Variants in ANK2 observed in about 807,000 individuals in gnomAD.
The protein encoded by ANK2 is ankyrin-2.
Under a neutral mutation model 360.5 loss-of-function variants are expected in ANK2, and 83 were observed. That is an observed-to-expected ratio of 0.23 (90% CI 0.19 to 0.28). ANK2 has a LOEUF of 0.28. ANK2 is among the 10% of genes least tolerant of loss of function. ANK2 has a pLI of 1.00. For synonymous variants in ANK2, 1,740 were observed against 1,759.5 expected (o/e 0.99, Z 0.28); for missense variants, 4,201 against 4,795.7 (o/e 0.88, Z 3.66).
At chr4:113,157,602 C>A (rs1284743181) in intron 1 of ANK2, among the ~76,000 whole-genome samples, 2 of 152,172 alleles carry the variant, frequency 1.3e-5, no homozygotes, top group Non-Finnish European at 2.9e-5. Context: ...AAACTTTGGG[C>A]CCTGCCCCTA....
chr4:112,821,829 C>T, intron 1 of ANK2, among the ~76,000 whole-genome samples: 1 of 150,234 alleles, frequency 6.7e-6, no homozygotes, highest in East Asian at 2.0e-4. Flanking sequence ...TACATTCGTG[C>T]AATCTTGGCT....
the ANK2 span, among the ~76,000 whole-genome samples, chr4:112,805,936 A>G: frequency 2.5e-4 from 38 of 152,306 alleles, 1 homozygote; most frequent in East Asian, 3.5e-3. Context: ...ATGAGTACAA[A>G]ATAGGTGTAT....
At chr4:112,753,263 C>G in the ANK2 span, among the ~76,000 whole-genome samples, 1 of 152,124 alleles carries the variant, frequency 6.6e-6, no homozygotes, top group Admixed American at 6.5e-5. Context: ...ATCTCCAAAC[C>G]CATAGATATT....
rs1193835931 is a variant in ANK2, at chr4:113,354,822, T to C, written c.6204T>C (p.Val2068=). The C allele has an allele frequency of 1.2e-6, 2 of 1,613,976 alleles. No homozygotes were observed. Among genetic ancestry groups the C allele is most frequent in the South Asian group, 2.2e-5 (2 of 91,056 alleles). The change falls in exon 38 of 46, where the codon GTT becomes GTC. Residue 2068 remains valine, a synonymous_variant. Transcript: ENST00000357077. ...VTGTAESKRG[V]RVSSIGVKKE... The stretch of plus-strand genomic sequence containing the variant: ...GCACAGCAGAATCCAAAAGAGGAGT[T>C]CGTGTTTCCTCCATAGGAGTTAAGA...
At chr4:112,767,566 CA>C in the ANK2 span, among the ~76,000 whole-genome samples, 1 of 144,812 alleles carries the variant, frequency 6.9e-6, no homozygotes, top group East Asian at 2.0e-4. Context: ...GACCCTGTCT[CA>C]ATAAATAAAT....
At chr4:113,131,470 A>T (rs191785956) in intron 1 of ANK2, among the ~76,000 whole-genome samples, 2 of 152,338 alleles carry the variant, frequency 1.3e-5, no homozygotes, top group East Asian at 3.9e-4. Context: ...ACTCCTTGTT[A>T]GACATATCAG....
intron 2 of ANK2, among the ~76,000 whole-genome samples, chr4:112,918,799 T>A (rs193223921): frequency 6.6e-5 from 10 of 152,342 alleles, no homozygotes; most frequent in Admixed American, 5.9e-4. Context: ...TTGAAGATTG[T>A]CCTTGACAGT....
At chr4:112,909,062 A>C (rs915587798) in intron 2 of ANK2, among the ~76,000 whole-genome samples, 4 of 152,256 alleles carry the variant, frequency 2.6e-5, no homozygotes, top group Admixed American at 1.3e-4. Context: ...ACTGGAAGAA[A>C]ATAGCGAAGA....
Position 113,357,224 on chromosome 4 carries a change from C to T in ANK2, c.8606C>T (p.Ser2869Phe). Residue 2869 changes from serine to phenylalanine, a missense_variant, in exon 38 of 46, where the codon TCT (serine) becomes TTT (phenylalanine). Around this residue, in one of 4 missense-constraint regions of ANK2, gnomAD observed 2,642 missense variants for 2,714.5 expected, o/e 0.97. Coordinates refer to ENST00000357077, the MANE Select transcript of ANK2 (RefSeq NM_001148.6). ...TTAGATGAAGACATATCTGCCACAT[C>T]TTCTATTCAAAAAACAGAGGTCACA... Reference protein sequence around the residue: ...KELDEDISATSSIQKTEVTKT... With the variant: ...KELDEDISATFSIQKTEVTKT... The T allele has an allele frequency of 6.2e-7, 1 of 1,614,048 alleles. No individual in the cohort carries two copies. The highest frequency in any genetic ancestry group is 2.2e-5 in the East Asian group (1 of 44,876).
chr4:112,990,287 A>G (rs1174054034), intron 2 of ANK2, among the ~76,000 whole-genome samples: 1 of 152,104 alleles, frequency 6.6e-6, no homozygotes, highest in Non-Finnish European at 1.5e-5. Flanking sequence ...TAAAATAATA[A>G]TAATAATGCA....
chr4:113,184,449 GA>G (rs2153276372), intron 2 of ANK2, among the ~76,000 whole-genome samples: 1 of 152,142 alleles, frequency 6.6e-6, no homozygotes, highest in East Asian at 1.9e-4. Context: ...TAGAGTTCAG[GA>G]GTCCCATCTT....
chr4:112,959,942 C>A (rs1167802536), intron 2 of ANK2, among the ~76,000 whole-genome samples: 2 of 152,028 alleles, frequency 1.3e-5, no homozygotes, highest in African/African-American at 4.8e-5. Context: ...CAAGGCTTAG[C>A]CTAATTGAAT....
intron 2 of ANK2, among the ~76,000 whole-genome samples, chr4:112,947,461 G>T (rs1023894784): frequency 6.6e-6 from 1 of 152,092 alleles, no homozygotes; most frequent in Admixed American, 6.5e-5. Flanking sequence ...TTGCACAAAT[G>T]AAACTTACAA....
intron 1 of ANK2, among the ~76,000 whole-genome samples, chr4:113,161,750 G>A (rs1276004127): frequency 6.6e-6 from 1 of 150,646 alleles, no homozygotes; most frequent in Non-Finnish European, 1.5e-5. Context: ...GCATGTATGC[G>A]CTGCAATTCC....
At chr4:112,848,709 T>C (rs74478765) in intron 1 of ANK2, among the ~76,000 whole-genome samples, 3,131 of 152,308 alleles carry the variant, frequency 0.021, 108 homozygotes, top group African/African-American at 0.069. Context: ...TTGAGCTCCT[T>C]GAAGGTAGGA....
rs940504823 is a variant in ANK2 at position 113,335,667 on chromosome 4, A to AT, written c.3380-173dup. Reference sequence around the variant, plus strand: ...TGCTGACAGATCTTGAAATATTGCAATTTTTTGTTTTCTGGTGTTGTTAGG... The same window carrying AT: ...TGCTGACAGATCTTGAAATATTGCAATTTTTTTGTTTTCTGGTGTTGTTAGG... On this transcript the variant is annotated intron_variant, in intron 29 of 45. Coordinates refer to ENST00000357077, the MANE Select transcript of ANK2 (RefSeq NM_001148.6). 4.7e-4 allele frequency among the ~76,000 whole-genome samples: 71 copies of AT among 152,260 alleles called. 1 individual carries two copies. The highest frequency in any genetic ancestry group is 1.6e-3 in the African/African-American group (67 of 41,546).
At chr4:113,336,116 T>C in intron 30 of ANK2, 59 bp downstream of exon 30, 2 of 1,571,364 alleles carry the variant, frequency 1.3e-6, no homozygotes, top group South Asian at 1.1e-5. Flanking sequence ...GATTAAAAAT[T>C]AGCTTTGTCA....
intron 2 of ANK2, among the ~76,000 whole-genome samples, chr4:113,012,722 C>T (rs2055181867): frequency 6.6e-6 from 1 of 152,048 alleles, no homozygotes; most frequent in Non-Finnish European, 1.5e-5. Context: ...AGGATTCTGC[C>T]ATTATTTACC....
chr4:112,829,491 C>CAAAAAAAAAAAAAAAACAAAAAA (rs2059203802), intron 1 of ANK2, among the ~76,000 whole-genome samples: 1 of 60,728 alleles, frequency 1.6e-5, no homozygotes, highest in African/African-American at 8.1e-5. Context: ...CCCATCTCTA[C>CAAAAAAAAAAAAAAAACAAAAAA]AAAAAAAAAA....
Sources: allele counts gnomAD v4.1 joint callset (sites outside exome capture counted in the v4.1 genomes callset), GRCh38; gene constraint gnomAD v4.1.1; regional missense constraint gnomAD v4.1.1; transcripts MANE v1.5; gene names NCBI Gene and HGNC (gene_info 2026-07-23, HGNC 2026-07-21).